The following KIF20B variants were observed in gnomAD, a reference collection of about 807,000 sequenced individuals.
KIF20B encodes the protein kinesin family member 20B, also known as kinesin-like protein KIF20B.
Under a neutral mutation model 232.5 loss-of-function variants are expected in KIF20B, and 188 were observed. The ratio of observed to expected loss-of-function variants is 0.81; its 90% CI spans 0.72 to 0.91. KIF20B has a LOEUF of 0.91. Among genes scored for constraint, KIF20B ranks in the 40% least tolerant of loss-of-function variants. KIF20B has a pLI of 0.00. For missense variants in KIF20B, 2,154 were observed against 2,055.9 expected (o/e 1.05, Z -0.92); for synonymous variants, 712 against 683.0 (o/e 1.04, Z -0.66).
At position 89,738,115 on chromosome 10, in the gene KIF20B, G is replaced by A. The variant is rs1196445111; in HGVS notation, c.3274G>A (p.Val1092Ile). 1.9e-6 allele frequency: 3 copies of A among 1,610,418 alleles called. No individual in the cohort carries two copies. The highest frequency in any genetic ancestry group is 2.7e-5 in the African/African-American group (2 of 74,180). Residue 1092 changes from valine (V) to isoleucine (I), a missense_variant, in exon 20 of 33, where the codon GTA becomes ATA. Physicochemically the swap from Val to Ile is conservative, Grantham distance 29 (BLOSUM62 3). Coordinates refer to ENST00000371728, the MANE Select transcript of KIF20B (RefSeq NM_001284259.2). ...ACAAATTGAAAAATTGCAGGCAGAA[G>A]TAAAAGGCTATAAGGATGAAAACAA... is the stretch of plus-strand genomic sequence containing the variant. ...EQQIEKLQAE[V>I]KGYKDENNRL...
intron 29 of KIF20B, among the ~76,000 whole-genome samples, chr10:89,767,060 A>G (rs936934723): frequency 3.3e-5 from 5 of 152,140 alleles, no homozygotes; most frequent in African/African-American, 1.2e-4. Flanking sequence ...TAGATACATC[A>G]TGTAGAAACT....
intron 14 of KIF20B, among the ~76,000 whole-genome samples, chr10:89,724,542 A>G (rs1168601431): frequency 3.3e-5 from 5 of 152,186 alleles, no homozygotes. Context: ...AGAAGAAAAA[A>G]AAGAATATAG....
rs563419239 is a variant in KIF20B at position 89,754,754 on chromosome 10, A to G, written c.4503+81A>G. ...TGTATTGCTGGAATTAACAGTTTCT[A>G]CATGGTTTTCTGTTTTTGGTTTTTT... On this transcript the variant is annotated intron_variant, in intron 26 of 32. Transcript: ENST00000371728. The G allele has an allele frequency of 5.2e-6, 6 of 1,151,480 alleles. No individual in the cohort carries two copies. In the South Asian group the frequency reaches 1.3e-4, roughly 25 times the overall value. 71.3% of individuals were successfully genotyped at this position (1,151,480 alleles called of 1,614,324 possible).
chr10:89,705,526 C>G, intron 2 of KIF20B, 85 bp downstream of exon 2: 2 of 1,218,162 alleles, frequency 1.6e-6, no homozygotes, highest in Non-Finnish European at 2.3e-6. Context: ...TTTGTATTAC[C>G]TGTTTTTGTA....
At chr10:89,755,649 AGTG>A (rs1842106437) in intron 26 of KIF20B, among the ~76,000 whole-genome samples, 1 of 151,524 alleles carries the variant, frequency 6.6e-6, no homozygotes, top group East Asian at 1.9e-4. Flanking sequence ...GCTGGAATGC[AGTG>A]GTGCAGTCAT....
At chr10:89,767,785 A>C (rs1330459821) in intron 29 of KIF20B, among the ~76,000 whole-genome samples, 1 of 152,086 alleles carries the variant, frequency 6.6e-6, no homozygotes, top group Admixed American at 6.6e-5. Flanking sequence ...GATATTGTCA[A>C]ATGTCAATGA....
chr10:89,753,114 T>C (rs773344706), intron 25 of KIF20B, among the ~76,000 whole-genome samples: 12 of 152,312 alleles, frequency 7.9e-5, no homozygotes, highest in Middle Eastern at 3.4e-3. Flanking sequence ...TGAACACATA[T>C]AAAACTATAC....
chr10:89,753,689 C>T (rs1407835849), intron 25 of KIF20B, among the ~76,000 whole-genome samples: 6 of 152,050 alleles, frequency 3.9e-5, no homozygotes, highest in Admixed American at 2.0e-4. Context: ...GACGTGATCT[C>T]GGCTCACTGC....
intron 21 of KIF20B, among the ~76,000 whole-genome samples, chr10:89,741,075 T>C (rs1841785107): frequency 1.3e-5 from 2 of 152,198 alleles, no homozygotes; most frequent in African/African-American, 2.4e-5. Context: ...CACCATAATG[T>C]AGAATCAGTG....
At chr10:89,745,787 T>C (rs1285639295) in intron 22 of KIF20B, 112 bp from the exon 23 acceptor site, 11 of 686,592 alleles carry the variant, frequency 1.6e-5, no homozygotes, top group Non-Finnish European at 2.6e-5. Flanking sequence ...GTATACCAGC[T>C]ATATAGGAGA....
chr10:89,772,326 A>AC, intron 31 of KIF20B, among the ~76,000 whole-genome samples: 1 of 152,062 alleles, frequency 6.6e-6, no homozygotes, highest in South Asian at 2.1e-4. Flanking sequence ...ATCATCTACC[A>AC]CCTTATTTTT....
rs1589856165 is a variant in KIF20B at position 89,718,805 on chromosome 10, T to C, written c.1367T>C (p.Ile456Thr). Residue 456 changes from isoleucine (I) to threonine (T), a missense_variant, in exon 12 of 33, where the codon ATC (isoleucine) becomes ACC (threonine). Transcript: ENST00000371728. ...GKGKICMIVN[I>T]SQCYLAYDET... ...GGGAAAATTTGTATGATTGTCAATATCAGCCAATGTTATTTAGCCTATGAT... is the reference window on the plus strand; with the variant it reads ...GGGAAAATTTGTATGATTGTCAATACCAGCCAATGTTATTTAGCCTATGAT... 1 of 1,609,698 alleles carries C rather than the reference T, an allele frequency of 6.2e-7. No homozygotes were observed.
chr10:89,733,147 T>C (rs1427324054), intron 19 of KIF20B, 91 bp downstream of exon 19: 2 of 1,321,844 alleles, frequency 1.5e-6, no homozygotes, highest in East Asian at 2.4e-5. Flanking sequence ...CATTCACTTG[T>C]CTAAGGAAAA....
Position 89,740,630 on chromosome 10 carries a change from G to A in KIF20B, c.3915+1534G>A, listed in dbSNP as rs761839990. ...AAGCTATTTCATTAGCATAAATTCA[G>A]GTGTGATTAAAAGGGGGCTCTTTTT... On this transcript the variant is annotated intron_variant, in intron 21 of 32. Transcript: ENST00000371728. Among the ~76,000 whole-genome samples, 214 of 152,186 alleles carry A rather than the reference G, an allele frequency of 1.4e-3. 3 individuals carry two copies. Among genetic ancestry groups the A allele is most frequent in the Non-Finnish European group, 7.8e-4 (53 of 68,006 alleles).
intron 23 of KIF20B, among the ~76,000 whole-genome samples, chr10:89,750,849 C>G (rs1180276401): frequency 3.9e-5 from 6 of 151,920 alleles, no homozygotes; most frequent in Non-Finnish European, 7.4e-5. Context: ...ATATTTGACT[C>G]TGAATATTTT....
chr10:89,732,064 CCTT>C (rs572074844), intron 18 of KIF20B, among the ~76,000 whole-genome samples: 155 of 151,986 alleles, frequency 1.0e-3, no homozygotes, highest in African/African-American at 3.6e-3. Flanking sequence ...TGAGTTTTAC[CCTT>C]CTTCTAAATC....
intron 21 of KIF20B, among the ~76,000 whole-genome samples, chr10:89,740,229 C>G (rs1028772001): frequency 2.2e-5 from 2 of 91,038 alleles, no homozygotes; most frequent in African/African-American, 8.1e-5. Context: ...TTTAATTGTG[C>G]TGTCTTTTTT....
intron 15 of KIF20B, among the ~76,000 whole-genome samples, chr10:89,725,974 C>T (rs1843179149): frequency 6.6e-6 from 1 of 152,184 alleles, no homozygotes; most frequent in African/African-American, 2.4e-5. Flanking sequence ...GTTTCATGCA[C>T]TATCCCAACA....
chr10:89,771,282 C>T (rs935116939), intron 31 of KIF20B, among the ~76,000 whole-genome samples: 5 of 146,872 alleles, frequency 3.4e-5, no homozygotes, highest in African/African-American at 1.3e-4. Context: ...TTCTTATTAT[C>T]TTTTACACTA....
Sources: allele counts gnomAD v4.1 joint callset (sites outside exome capture counted in the v4.1 genomes callset), GRCh38; gene constraint gnomAD v4.1.1; transcripts MANE v1.5; gene names NCBI Gene and HGNC (gene_info 2026-07-23, HGNC 2026-07-21).